The following IQCK variants were observed in gnomAD, a reference collection of about 807,000 sequenced individuals.
IQCK encodes IQ motif containing K.
Under a neutral mutation model 28.1 loss-of-function variants are expected in IQCK, and 29 were observed. That is an observed-to-expected ratio of 1.03 (90% CI 0.77 to 1.41). The LOEUF is 1.41. IQCK is among the 40% of genes most tolerant of loss of function. The pLI is 0.00. For missense variants in IQCK, 359 were observed against 314.7 expected, an observed-to-expected ratio of 1.14 and a Z score of -1.07; for synonymous variants, 113 against 115.1, an observed-to-expected ratio of 0.98 and a Z score of 0.12.
chr16:19,743,831 C>T (rs1452299139), intron 4 of IQCK, among the ~76,000 whole-genome samples: 1 of 152,168 alleles, frequency 6.6e-6, no homozygotes, highest in African/African-American at 2.4e-5. Flanking sequence ...GTTAGCAAGC[C>T]TTTTATTTAG....
exon 1 of IQCK, chr16:19,718,346 C>T (rs1259749341): frequency 6.2e-7 from 1 of 1,610,326 alleles, no homozygotes; most frequent in Non-Finnish European, 8.5e-7. Context: ...CATAGTGCGC[C>T]TCAAGCCCAG....
At chr16:19,726,076 C>G (rs368042880) in intron 1 of IQCK, among the ~76,000 whole-genome samples, 1 of 152,032 alleles carries the variant, frequency 6.6e-6, no homozygotes, top group Non-Finnish European at 1.5e-5. Flanking sequence ...CCACCACTCC[C>G]GGCTAAGTTT....
chr16:19,732,750 A>G (rs1977880314), intron 2 of IQCK, among the ~76,000 whole-genome samples: 2 of 152,306 alleles, frequency 1.3e-5, no homozygotes, highest in South Asian at 2.1e-4. Context: ...GGCGTGAGCC[A>G]CCACACCCAG....
chr16:19,766,940 C>G (rs954975345), intron 6 of IQCK, among the ~76,000 whole-genome samples: 1 of 152,226 alleles, frequency 6.6e-6, no homozygotes, highest in Admixed American at 6.5e-5. Context: ...TGTGGTGGCA[C>G]ATGCCTGTAA....
At chr16:19,737,700 A>G (rs1376760272) in intron 4 of IQCK, among the ~76,000 whole-genome samples, 2 of 151,980 alleles carry the variant, frequency 1.3e-5, no homozygotes, top group Non-Finnish European at 2.9e-5. Flanking sequence ...TCATGTGTTC[A>G]TTGGTTCCTT....
chr16:19,806,069 T>G (rs1172511381), intron 7 of IQCK, among the ~76,000 whole-genome samples: 1 of 152,102 alleles, frequency 6.6e-6, no homozygotes, highest in East Asian at 1.9e-4. Flanking sequence ...TTTTAGATGG[T>G]GAATTTGGTC....
chr16:19,849,454 C>CT lies in IQCK; in HGVS notation c.803-7023dup, dbSNP rs940500814. ...AAAAATAAAAATTTTAAAAAGTAAA[C>CT]TTTTTTTTTTCTTTAGAAAGGCAGG... On this transcript the variant is annotated intron_variant, in intron 9 of 9. Transcript: ENST00000320394. Among the ~76,000 whole-genome samples the CT allele has an allele frequency of 3.2e-3, 482 of 149,856 alleles. 3 individuals carry two copies. Among genetic ancestry groups the CT allele is most frequent in the Non-Finnish European group, 5.3e-3 (355 of 67,390 alleles).
intron 9 of IQCK, among the ~76,000 whole-genome samples, chr16:19,840,854 G>T (rs951798003): frequency 2.6e-5 from 4 of 152,230 alleles, no homozygotes; most frequent in Admixed American, 2.6e-4. Context: ...TTGGTGTTCA[G>T]TTTCCTGCAA....
intron 6 of IQCK, among the ~76,000 whole-genome samples, chr16:19,772,251 A>G (rs1006709222): frequency 2.0e-5 from 3 of 152,326 alleles, no homozygotes; most frequent in Admixed American, 6.5e-5. Context: ...GAAATCCTAC[A>G]TTAGGTGTTC....
At chr16:19,799,637 C>G (rs954295107) in intron 7 of IQCK, among the ~76,000 whole-genome samples, 1 of 137,978 alleles carries the variant, frequency 7.2e-6, no homozygotes, top group African/African-American at 3.4e-5. Flanking sequence ...CACACACACA[C>G]ACACCCAGTG....
intron 4 of IQCK, among the ~76,000 whole-genome samples, chr16:19,752,994 C>T (rs2151700550): frequency 6.6e-6 from 1 of 152,172 alleles, no homozygotes; most frequent in South Asian, 2.1e-4. Context: ...TTGGCTCCAC[C>T]CTCAAATGAG....
At chr16:19,811,714 C>T (rs1395932402) in intron 7 of IQCK, among the ~76,000 whole-genome samples, 1 of 152,210 alleles carries the variant, frequency 6.6e-6, no homozygotes, top group East Asian at 1.9e-4. Context: ...ACGTGCCATT[C>T]ATGTGAGCAA....
intron 7 of IQCK, among the ~76,000 whole-genome samples, chr16:19,820,944 G>A (rs956187092): frequency 6.6e-6 from 1 of 152,170 alleles, no homozygotes. Flanking sequence ...TATACAGACA[G>A]GCGACAAGCA....
At chr16:19,758,088 T>TTGATTG (rs1225188058) in intron 4 of IQCK, among the ~76,000 whole-genome samples, 2 of 152,218 alleles carry the variant, frequency 1.3e-5, no homozygotes, top group Admixed American at 1.3e-4. Flanking sequence ...ATTTTCACCC[T>TTGATTG]TTAACAATCA....
intron 9 of IQCK, among the ~76,000 whole-genome samples, chr16:19,849,366 T>G (rs2141121436): frequency 6.6e-6 from 1 of 152,156 alleles, no homozygotes; most frequent in South Asian, 2.1e-4. Flanking sequence ...CAGTTACACT[T>G]AAGTGATGTA....
chr16:19,779,619 C>G (rs1421946509), intron 6 of IQCK, among the ~76,000 whole-genome samples: 1 of 152,078 alleles, frequency 6.6e-6, no homozygotes, highest in Non-Finnish European at 1.5e-5. Flanking sequence ...TGGTCACTCT[C>G]TCTTTTTAGA....
intron 4 of IQCK, among the ~76,000 whole-genome samples, chr16:19,749,167 T>A (rs1252196397): frequency 1.3e-5 from 2 of 152,196 alleles, no homozygotes; most frequent in Non-Finnish European, 2.9e-5. Context: ...TAAAGGGTTA[T>A]CCAGGAAATA....
intron 7 of IQCK, among the ~76,000 whole-genome samples, chr16:19,824,480 G>A (rs141730678): frequency 1.3e-5 from 2 of 152,286 alleles, no homozygotes; most frequent in East Asian, 1.9e-4. Context: ...GCCATGGACC[G>A]GTACCAGCAT....
intron 6 of IQCK, among the ~76,000 whole-genome samples, chr16:19,772,014 A>G (rs992418767): frequency 6.6e-6 from 1 of 152,064 alleles, no homozygotes. Context: ...GTCTCCAGCA[A>G]CCCTCCACAG....
Sources: gnomAD v4.1 joint callset for allele counts (sites outside exome capture counted in the v4.1 genomes callset) on GRCh38, gnomAD v4.1.1 for gene constraint, MANE v1.5 for transcripts, NCBI Gene and HGNC (gene_info 2026-07-23, HGNC 2026-07-21) for gene names.